CD79B: variants seen among roughly 807,000 people sequenced by gnomAD.
CD79B encodes CD79b molecule, also known as B-cell antigen receptor complex-associated protein beta chain.
A neutral mutation model predicts 30.0 loss-of-function variants in CD79B; 7 were observed. The observed-to-expected ratio is 0.23, with a 90% confidence interval of 0.13 to 0.44. The LOEUF (loss-of-function observed/expected upper bound fraction) is 0.44, where lower values mean the gene tolerates loss of function less well. Ranked by LOEUF, CD79B falls within the 20% of genes least tolerant of loss-of-function variation. The pLI is 1.00. For synonymous variants in CD79B, 118 were observed against 119.2 expected, an observed-to-expected ratio of 0.99 and a Z score of 0.07; for missense variants, 218 against 299.1, an observed-to-expected ratio of 0.73 and a Z score of 2.00.
chr17:63,929,196 C>A lies in CD79B; in HGVS notation c.*30G>T. On this transcript the variant is annotated 3_prime_UTR_variant, in exon 6 of 6. Transcript: ENST00000006750. Reference sequence around the variant, plus strand: ...GAAGCAGTCACTGAGGCCAGGGAGCCTGCACCCAGGTCATGGGGCGACCTG... The same window carrying A: ...GAAGCAGTCACTGAGGCCAGGGAGCATGCACCCAGGTCATGGGGCGACCTG... The A allele has an allele frequency of 6.9e-7, 1 of 1,445,934 alleles. No individual in the cohort carries two copies. Among genetic ancestry groups the A allele is most frequent in the Non-Finnish European group, 9.7e-7 (1 of 1,026,798 alleles). The allele number at this position is 1,445,934 out of a possible 1,614,324, so 89.6% of individuals were successfully genotyped here.
rs1194280728 is a variant in CD79B, at chr17:63,932,230, C to G, written c.32G>C (p.Ser11Thr). The stretch of plus-strand genomic sequence containing the variant: ...CAGCAGCAACGCCACCATCCAGTGG[C>G]TGGGCACAGGAGACAACGCCAGCCT... MARLALSPVPSHWMVALLLLL... is the reference protein window; with the variant it reads MARLALSPVPTHWMVALLLLL... Residue 11 changes from serine to threonine, a missense_variant, in exon 1 of 6, where the codon AGC becomes ACC. Ser to Thr is a moderately conservative substitution (Grantham distance 58, BLOSUM62 1). Transcript: ENST00000006750. 3.1e-6 allele frequency: 5 copies of G among 1,613,090 alleles called. No individual in the cohort carries two copies. In the African/African-American group the frequency reaches 4.0e-5, roughly 13 times the overall value.
In CD79B at chr17:63,929,227, C is replaced by T; in HGVS notation, c.689G>A (p.Ter230=). 1 of 1,607,256 alleles carries T rather than the reference C, an allele frequency of 6.2e-7. No homozygotes were observed. The highest frequency in any genetic ancestry group is 8.5e-7 in the Non-Finnish European group (1 of 1,173,890). The change falls in exon 6 of 6, where the codon TGA becomes TAA. Residue 230 remains the stop codon, a stop_retained_variant. Coordinates refer to ENST00000006750, the MANE Select transcript of CD79B (RefSeq NM_000626.4). ...CCAGGTCATGGGGCGACCTGGCTCTCACTCCTGGCCTGGGTGCTCACCTAC... is the reference window on the plus strand; with the variant it reads ...CCAGGTCATGGGGCGACCTGGCTCTTACTCCTGGCCTGGGTGCTCACCTAC... ...WSVGEHPGQE[*] is the part of the protein sequence containing the mutation.
intron 2 of CD79B, 48 bp downstream of exon 2, chr17:63,931,287 A>G (rs1281759934): frequency 6.3e-7 from 1 of 1,588,490 alleles, no homozygotes; most frequent in Admixed American, 1.7e-5. Flanking sequence ...GACACAGGAC[A>G]TAGTCGCACA....
At chr17:63,930,477 T>C (rs747396708) in intron 2 of CD79B, 92 bp from the exon 3 acceptor site, 1 of 1,169,136 alleles carries the variant, frequency 8.6e-7, no homozygotes, top group Non-Finnish European at 1.2e-6. Flanking sequence ...TGGCACAGAC[T>C]CCCTGGGCTT....
chr17:63,929,671 G>A lies in CD79B; in HGVS notation c.549+99C>T. ...AGTGGGGACAGGCTGGACCAAGAAG[G>A]CCACAACGAGAGCTGGGGAGATGGA... On this transcript the variant is annotated intron_variant, in intron 4 of 5. Coordinates refer to ENST00000006750, the MANE Select transcript of CD79B (RefSeq NM_000626.4). 3 of 1,006,540 alleles carry A rather than the reference G, an allele frequency of 3.0e-6. No individual in the cohort carries two copies. In the South Asian group the frequency reaches 3.9e-5, roughly 13 times the overall value. The allele number at this position is 1,006,540 out of a possible 1,614,324, so 62.4% of individuals were successfully genotyped here.
chr17:63,930,057 A>G lies in CD79B; in HGVS notation c.430+17T>C. ...GGGCGGACAGCTACAGGAGCGTCCC[A>G]GCCACCTGGCACACACCCATGACTC... On this transcript the variant is annotated intron_variant, in intron 3 of 5. Coordinates refer to ENST00000006750, the MANE Select transcript of CD79B (RefSeq NM_000626.4). 6.2e-7 allele frequency: 1 copy of G among 1,613,052 alleles called. No homozygotes were observed. The highest frequency in any genetic ancestry group is 8.5e-7 in the Non-Finnish European group (1 of 1,179,560).
intron 1 of CD79B, chr17:63,931,827 G>T: frequency 2.4e-6 from 1 of 422,122 alleles, no homozygotes; most frequent in South Asian, 2.3e-5. Context: ...ACCACATTTG[G>T]ATCTTGCATC....
chr17:63,931,741 C>A, intron 1 of CD79B: 1 of 280,500 alleles, frequency 3.6e-6, no homozygotes, highest in Non-Finnish European at 6.8e-6. Flanking sequence ...CCCTGTCTCT[C>A]TTTTTTTTTT....
rs758601103 is a variant in CD79B at position 63,929,903 on chromosome 17, G to T, written c.431-15C>A. On this transcript the variant is annotated splice_polypyrimidine_tract_variant and intron_variant, in intron 3 of 5. Transcript: ENST00000006750. ...GGTGCTGAATCCTGCGGGGACAGGGGTGGGGTTGTGAGCCTGGGCCACAGT... is the reference window on the plus strand; with the variant it reads ...GGTGCTGAATCCTGCGGGGACAGGGTTGGGGTTGTGAGCCTGGGCCACAGT... 1.8e-5 allele frequency: 29 copies of T among 1,598,206 alleles called. No individual in the cohort carries two copies. The highest frequency in any genetic ancestry group is 2.4e-5 in the Non-Finnish European group (28 of 1,165,860).
At chr17:63,931,629 A>T (rs752227763) in intron 1 of CD79B, among the ~76,000 whole-genome samples, 1 of 152,298 alleles carries the variant, frequency 6.6e-6, no homozygotes, top group Admixed American at 6.5e-5. Flanking sequence ...AGGCATCTGA[A>T]TGAGACAGGA....
In CD79B at chr17:63,930,417, G is replaced by A. The variant is rs114953740; in HGVS notation, c.119-32C>T. The A allele has an allele frequency of 1.4e-3, 2,295 of 1,600,128 alleles. 21 individuals carry two copies. In the African/African-American group the frequency reaches 0.022, roughly 15 times the overall value. Reference sequence around the variant, plus strand: ...GTGCCAAGGCCAGGCTCAGCATTCCGCTTGGCATCTTCCTGAGTGCCAGCC... The same window carrying A: ...GTGCCAAGGCCAGGCTCAGCATTCCACTTGGCATCTTCCTGAGTGCCAGCC... On this transcript the variant is annotated intron_variant, in intron 2 of 5. Transcript: ENST00000006750.
At chr17:63,931,240 G>T in intron 2 of CD79B, 95 bp downstream of exon 2, 9 of 1,273,418 alleles carry the variant, frequency 7.1e-6, no homozygotes, top group African/African-American at 1.5e-5. Flanking sequence ...GGCAAGGGTG[G>T]GAAGGCGGAC....
chr17:63,931,892 C>T, intron 1 of CD79B: 1 of 499,538 alleles, frequency 2.0e-6, no homozygotes, highest in South Asian at 2.1e-5. Flanking sequence ...GCACCGCCCT[C>T]AGCCTCTCTT....
chr17:63,929,647 G>T, intron 4 of CD79B, 123 bp downstream of exon 4: 1 of 968,848 alleles, frequency 1.0e-6, no homozygotes. Context: ...TGGTGAGCCA[G>T]TGGGGACAGG....
chr17:63,931,271 T>C (rs936438501), intron 2 of CD79B, 64 bp downstream of exon 2: 63 of 1,537,412 alleles, frequency 4.1e-5, no homozygotes, highest in Non-Finnish European at 5.0e-5. Context: ...ACAGGGACCA[T>C]AGTCGGACAC....
chr17:63,931,163 G>A, intron 2 of CD79B, 172 bp downstream of exon 2: 1 of 699,704 alleles, frequency 1.4e-6, no homozygotes, highest in Non-Finnish European at 2.6e-6. Context: ...ATGACAGTGG[G>A]CTGGGGGTGG....
rs1908184731 is a variant in CD79B at position 63,932,294 on chromosome 17, GA to G, written c.-34del. ...GCTCTGTCCCCGACCCCAAACCCGT[GA>G]CAACGTCCGAGGCTCCTTGGAGGAA... On this transcript the variant is annotated 5_prime_UTR_variant, in exon 1 of 6. Coordinates refer to ENST00000006750, the MANE Select transcript of CD79B (RefSeq NM_000626.4). 1 of 1,600,540 alleles carries G rather than the reference GA, an allele frequency of 6.2e-7. No homozygotes were observed. Among genetic ancestry groups the G allele is most frequent in the African/African-American group, 1.3e-5 (1 of 74,762 alleles).
chr17:63,930,271 C>A lies in CD79B; in HGVS notation c.233G>T (p.Trp78Leu). The change falls in exon 3 of 6, where the codon TGG becomes TTG. Residue 78 changes from tryptophan (W) to leucine (L), a missense_variant. By Grantham distance (61) the Trp-to-Leu change is moderately conservative. Transcript: ENST00000006750. ...GGGATTCTCGTCCATCTCCTGCTTC[C>A]AGAGCCAGCTCACATTGCCGGAGGC... The part of the protein sequence containing the change: ...NSASGNVSWL[W>L]KQEMDENPQQ... 6.2e-7 allele frequency: 1 copy of A among 1,614,224 alleles called. No individual in the cohort carries two copies. The highest frequency in any genetic ancestry group is 8.5e-7 in the Non-Finnish European group (1 of 1,180,038).
At position 63,929,778 on chromosome 17, in the gene CD79B, G is replaced by C. The variant is rs569162905; in HGVS notation, c.541C>G (p.Leu181Val). The change falls in exon 4 of 6, where the codon CTG (leucine) becomes GTG (valine). Residue 181 changes from leucine to valine, a missense_variant. Leu to Val is a conservative substitution (Grantham distance 32). Coordinates refer to ENST00000006750, the MANE Select transcript of CD79B (RefSeq NM_000626.4). ...LFIIVPIFLL[L>V]DKDDSKAGME... ...CCCCGTCCCCTGATCACCTTGTCCA[G>C]CAGCAGGAAGATAGGCACGATGATG... 6.2e-7 allele frequency: 1 copy of C among 1,607,510 alleles called. No individual in the cohort carries two copies. Among genetic ancestry groups the C allele is most frequent in the African/African-American group, 1.3e-5 (1 of 74,976 alleles).
Sources: allele counts gnomAD v4.1 joint callset (sites outside exome capture counted in the v4.1 genomes callset), GRCh38; gene constraint gnomAD v4.1.1; transcripts MANE v1.5; gene names NCBI Gene and HGNC (gene_info 2026-07-23, HGNC 2026-07-21).